The following CYB5D2 variants were observed in gnomAD, a reference collection of about 807,000 sequenced individuals.
CYB5D2 encodes the protein neuferricin.
Under a neutral mutation model 22.8 loss-of-function variants are expected in CYB5D2, and 23 were observed. The ratio of observed to expected loss-of-function variants is 1.01; its 90% CI spans 0.73 to 1.43. CYB5D2 has a LOEUF of 1.43. CYB5D2 is among the 40% of genes most tolerant of loss of function. CYB5D2 has a pLI of 0.00. For missense variants in CYB5D2, 373 were observed against 357.2 expected (o/e 1.04, Z -0.36); for synonymous variants, 170 against 152.2 (o/e 1.12, Z -0.86).
chr17:4,149,579 C>T (rs947192265), intron 1 of CYB5D2, among the ~76,000 whole-genome samples: 3 of 151,810 alleles, frequency 2.0e-5, no homozygotes, highest in African/African-American at 4.8e-5. Flanking sequence ...CCAAGGTGGG[C>T]GGATCACCTG....
At chr17:4,152,578 C>T (rs1206476199) in intron 2 of CYB5D2, among the ~76,000 whole-genome samples, 1 of 152,184 alleles carries the variant, frequency 6.6e-6, no homozygotes, top group Non-Finnish European at 1.5e-5. Flanking sequence ...TCTGCTACTA[C>T]TGTCCTCTCT....
Position 4,148,621 on chromosome 17 carries a change from C to T in CYB5D2, c.251-1270C>T, listed in dbSNP as rs1420432879. 2.6e-5 allele frequency among the ~76,000 whole-genome samples: 4 copies of T among 151,810 alleles called. No individual in the cohort carries two copies. In the South Asian group the frequency reaches 8.3e-4, roughly 31 times the overall value. Reference sequence around the variant, plus strand: ...TCGGAGGCCAAGGTGGGTGGATCACCGGAGGTCAGGAGTTCCACACCAGCC... The same window carrying T: ...TCGGAGGCCAAGGTGGGTGGATCACTGGAGGTCAGGAGTTCCACACCAGCC... On this transcript the variant is annotated intron_variant, in intron 1 of 3. Coordinates refer to ENST00000301391, the MANE Select transcript of CYB5D2 (RefSeq NM_144611.4).
chr17:4,144,050 C>T (rs775500039), intron 1 of CYB5D2, 45 bp downstream of exon 1: 39 of 1,534,700 alleles, frequency 2.5e-5, no homozygotes, highest in South Asian at 1.4e-4. Flanking sequence ...TGGCGCGAGC[C>T]AGTAGCCACC....
chr17:4,153,353 A>G (rs2059078480), intron 2 of CYB5D2, among the ~76,000 whole-genome samples: 1 of 151,772 alleles, frequency 6.6e-6, no homozygotes, highest in South Asian at 2.1e-4. Flanking sequence ...GGGGAAGCAC[A>G]GCCAAGACAC....
chr17:4,156,895 T>C lies in CYB5D2; in HGVS notation c.608T>C (p.Val203Ala), dbSNP rs1555619249. ...SGGVSRDWIG[V>A]PRKLYKPGAK... ...GGTGTGAGCAGAGACTGGATTGGCGTCCCCAGGAAGCTGTATAAGCCAGGT... is the reference window on the plus strand; with the variant it reads ...GGTGTGAGCAGAGACTGGATTGGCGCCCCCAGGAAGCTGTATAAGCCAGGT... The change falls in exon 4 of 4, where the codon GTC becomes GCC. Residue 203 changes from valine (V) to alanine (A), a missense_variant. Val to Ala is a moderately conservative substitution (Grantham distance 64). Coordinates refer to ENST00000301391, the MANE Select transcript of CYB5D2 (RefSeq NM_144611.4). 22 of 1,612,574 alleles carry C rather than the reference T, an allele frequency of 1.4e-5. 1 individual carries two copies. The South Asian group carries it at 2.2e-4, about 16-fold the overall frequency.
At chr17:4,148,560 T>A (rs1423065625) in intron 1 of CYB5D2, among the ~76,000 whole-genome samples, 1 of 149,802 alleles carries the variant, frequency 6.7e-6, no homozygotes, top group Non-Finnish European at 1.5e-5. Flanking sequence ...TTCCCCAGGC[T>A]GGATGCGGTG....
intron 2 of CYB5D2, among the ~76,000 whole-genome samples, chr17:4,153,179 G>A (rs934437665): frequency 1.3e-5 from 2 of 152,238 alleles, no homozygotes; most frequent in Non-Finnish European, 2.9e-5. Context: ...AAACTGTGAT[G>A]TAATACGTTT....
chr17:4,157,696 A>C lies in CYB5D2; in HGVS notation c.*614A>C, dbSNP rs2059126191. The C allele has an allele frequency of 6.5e-6, 1 of 154,608 alleles. No homozygotes were observed. Among genetic ancestry groups the C allele is most frequent in the Admixed American group, 6.4e-5 (1 of 15,518 alleles). 9.6% of individuals were successfully genotyped at this position (154,608 alleles called of 1,614,324 possible). ...AAAGCTTGGGCAAGGCTTCAAACTTAAGGTGGCTGGGCTTGCTGCTTGTCC... is the reference window on the plus strand; with the variant it reads ...AAAGCTTGGGCAAGGCTTCAAACTTCAGGTGGCTGGGCTTGCTGCTTGTCC... On this transcript the variant is annotated 3_prime_UTR_variant, in exon 4 of 4. Transcript: ENST00000301391. This position sits in a 1 kb window ranked among gnomAD's most constrained non-coding sequence, Gnocchi z 4.4.
chr17:4,155,009 CA>C, intron 3 of CYB5D2, 149 bp downstream of exon 3: 1 of 879,730 alleles, frequency 1.1e-6, no homozygotes, highest in South Asian at 1.9e-5. Flanking sequence ...ACTTTGGCTG[CA>C]TATTAGATCT....
At position 4,143,654 on chromosome 17, in the gene CYB5D2, C is replaced by T. The variant is rs574260602; in HGVS notation, c.-102C>T. ...GAGCACTAGCGCGCGAGAGAGAGAG[C>T]GAGAGCGCGCGCGCCGATGACGTCA... On this transcript the variant is annotated 5_prime_UTR_variant, in exon 1 of 4. Coordinates refer to ENST00000301391, the MANE Select transcript of CYB5D2 (RefSeq NM_144611.4). 38 of 1,476,956 alleles carry T rather than the reference C, an allele frequency of 2.6e-5. No homozygotes were observed. Among genetic ancestry groups the T allele is most frequent in the Non-Finnish European group, 3.2e-5 (35 of 1,101,050 alleles). 91.5% of individuals were successfully genotyped at this position (1,476,956 alleles called of 1,614,324 possible). A position where few individuals can be genotyped will look rare whatever the true frequency, so the allele number is the denominator to read the frequency against.
Position 4,143,967 on chromosome 17 carries a change from G to A in CYB5D2, c.212G>A (p.Arg71Lys). The A allele has an allele frequency of 1.2e-6, 2 of 1,612,330 alleles. No homozygotes were observed. Among genetic ancestry groups the A allele is most frequent in the Non-Finnish European group, 1.7e-6 (2 of 1,179,704 alleles). Reference protein sequence around the residue: ...GRVYDVSSGRRHYEPGSHYSG... With the variant: ...GRVYDVSSGRKHYEPGSHYSG... ...GTCTACGATGTGTCCTCCGGCCGGA[G>A]GCACTACGAGCCTGGGTCCCACTAT... The change falls in exon 1 of 4, where the codon AGG becomes AAG. Residue 71 changes from arginine to lysine, a missense_variant. Transcript: ENST00000301391.
chr17:4,143,956 C>T lies in CYB5D2; in HGVS notation c.201C>T (p.Ser67=), dbSNP rs2058938024. The part of the protein sequence containing the change: ...LALLGRVYDV[S]SGRRHYEPGS... ...TGCTCGGCCGTGTCTACGATGTGTC[C>T]TCCGGCCGGAGGCACTACGAGCCTG... is the stretch of plus-strand genomic sequence containing the variant. Residue 67 remains serine, a synonymous_variant, in exon 1 of 4, where the codon TCC becomes TCT. Coordinates refer to ENST00000301391, the MANE Select transcript of CYB5D2 (RefSeq NM_144611.4). The T allele has an allele frequency of 5.6e-6, 9 of 1,612,870 alleles. No individual in the cohort carries two copies. The East Asian group carries it at 1.1e-4, about 20-fold the overall frequency.
chr17:4,154,076 T>C (rs1045081937), intron 2 of CYB5D2, among the ~76,000 whole-genome samples: 3 of 152,168 alleles, frequency 2.0e-5, no homozygotes, highest in Admixed American at 6.5e-5. Context: ...AACTGACCTG[T>C]TTTTCCTTCT....
rs117758113 is a variant in CYB5D2, at chr17:4,156,016, C to T, written c.579-850C>T. 7.5e-3 allele frequency among the ~76,000 whole-genome samples: 1,139 copies of T among 152,342 alleles called. 6 individuals are homozygous for T. The highest frequency in any genetic ancestry group is 0.023 in the South Asian group (112 of 4,830). ...GGGACAAGGTGTGGAGTACAGATCC[C>T]CAATGATGGGATGGAGGCTGGGTAG... On this transcript the variant is annotated intron_variant, in intron 3 of 3. Coordinates refer to ENST00000301391, the MANE Select transcript of CYB5D2 (RefSeq NM_144611.4).
In CYB5D2 at chr17:4,143,951, G is replaced by A. The variant is rs752899456; in HGVS notation, c.196G>A (p.Val66Met). 2 of 1,613,106 alleles carry A rather than the reference G, an allele frequency of 1.2e-6. No individual in the cohort carries two copies. Among genetic ancestry groups the A allele is most frequent in the Non-Finnish European group, 1.7e-6 (2 of 1,179,934 alleles). The part of the protein sequence containing the change: ...YLALLGRVYD[V>M]SSGRRHYEPG... The stretch of plus-strand genomic sequence containing the variant: ...GGCGTTGCTCGGCCGTGTCTACGAT[G>A]TGTCCTCCGGCCGGAGGCACTACGA... Residue 66 changes from valine (V) to methionine (M), a missense_variant, in exon 1 of 4, where the codon GTG (valine) becomes ATG (methionine). Physicochemically the swap from Val to Met is conservative, Grantham distance 21. Coordinates refer to ENST00000301391, the MANE Select transcript of CYB5D2 (RefSeq NM_144611.4).
At chr17:4,145,627 C>T (rs1241467357) in intron 1 of CYB5D2, among the ~76,000 whole-genome samples, 1 of 152,208 alleles carries the variant, frequency 6.6e-6, no homozygotes, top group Non-Finnish European at 1.5e-5. Context: ...TTTACCACTA[C>T]CTACCTTGTG....
chr17:4,145,298 A>G (rs2058976063), intron 1 of CYB5D2, among the ~76,000 whole-genome samples: 1 of 152,242 alleles, frequency 6.6e-6, no homozygotes. Flanking sequence ...GAAGTACTAA[A>G]GAAATACAAA....
At chr17:4,155,423 G>C (rs2059103503) in intron 3 of CYB5D2, among the ~76,000 whole-genome samples, 1 of 152,158 alleles carries the variant, frequency 6.6e-6, no homozygotes, top group African/African-American at 2.4e-5. Flanking sequence ...TTGGAGTCCA[G>C]CCTGGGCAAC....
intron 1 of CYB5D2, 147 bp downstream of exon 1, chr17:4,144,152 C>T: frequency 8.7e-7 from 1 of 1,146,046 alleles, no homozygotes; most frequent in Non-Finnish European, 1.2e-6. Context: ...GGACGAGCTG[C>T]ATGCACTATC....
Sources: allele counts gnomAD v4.1 joint callset (sites outside exome capture counted in the v4.1 genomes callset), GRCh38; gene constraint gnomAD v4.1.1; non-coding constraint Gnocchi (gnomAD v3.1); transcripts MANE v1.5; gene names NCBI Gene and HGNC (gene_info 2026-07-23, HGNC 2026-07-21).